The following PAPOLA variants were observed in gnomAD, a reference collection of about 807,000 sequenced individuals.
PAPOLA encodes the protein poly(A) polymerase alpha, also known as polynucleotide adenylyltransferase alpha.
Under a neutral mutation model 100.6 loss-of-function variants are expected in PAPOLA, and 15 were observed. The ratio of observed to expected loss-of-function variants is 0.15; its 90% confidence interval spans 0.10 to 0.23. The LOEUF (loss-of-function observed/expected upper bound fraction) is 0.23. Ranked by LOEUF, PAPOLA falls within the 10% of genes least tolerant of loss-of-function variation. The pLI, the probability that PAPOLA is intolerant of heterozygous loss-of-function variation, is 1.00. For missense variants in PAPOLA, 533 were observed against 884.2 expected (o/e 0.60, Z 5.04); for synonymous variants, 293 against 300.0 (o/e 0.98, Z 0.24).
intron 4 of PAPOLA, 54 bp from the exon 5 acceptor site, chr14:96,527,376 A>G (rs1386469366): frequency 1.9e-6 from 2 of 1,068,858 alleles, no homozygotes; most frequent in African/African-American, 3.1e-5. Flanking sequence ...GATAGGATGC[A>G]AAATAATTTT....
chr14:96,523,089 C>T (rs189594579), intron 3 of PAPOLA, among the ~76,000 whole-genome samples: 90 of 152,084 alleles, frequency 5.9e-4, no homozygotes, highest in African/African-American at 1.3e-3. Context: ...ATGGACTTTA[C>T]GTACCATGTG....
chr14:96,563,222 T>C (rs567423273), intron 21 of PAPOLA, among the ~76,000 whole-genome samples: 2 of 152,310 alleles, frequency 1.3e-5, no homozygotes, highest in East Asian at 3.9e-4. Context: ...AAACTAGGAA[T>C]GAACTAAAAA....
intron 1 of PAPOLA, among the ~76,000 whole-genome samples, chr14:96,508,212 C>G (rs1474866744): frequency 1.3e-5 from 2 of 152,148 alleles, no homozygotes; most frequent in Non-Finnish European, 2.9e-5. Context: ...TTTCTGAACA[C>G]TGCACCTCAG....
chr14:96,514,417 G>A (rs1897307336), intron 1 of PAPOLA, among the ~76,000 whole-genome samples: 2 of 151,708 alleles, frequency 1.3e-5, no homozygotes, highest in Non-Finnish European at 2.9e-5. Flanking sequence ...TCCTGACGTC[G>A]TGATCCGCCC....
At chr14:96,559,862 T>C (rs1446625589) in intron 19 of PAPOLA, among the ~76,000 whole-genome samples, 1 of 151,896 alleles carries the variant, frequency 6.6e-6, no homozygotes. Context: ...TTCTATAAAA[T>C]ATAAGTACCG....
At chr14:96,526,238 A>G (rs1370631606) in intron 4 of PAPOLA, 2 of 152,198 alleles carry the variant, frequency 1.3e-5, no homozygotes, top group African/African-American at 4.8e-5. Context: ...CAGTACTGTT[A>G]TTCTCACATA....
chr14:96,510,351 T>C (rs764319897), intron 1 of PAPOLA, among the ~76,000 whole-genome samples: 4 of 152,224 alleles, frequency 2.6e-5, no homozygotes, highest in Non-Finnish European at 5.9e-5. Flanking sequence ...TTTCATACTT[T>C]ATTAAATTTA....
chr14:96,505,614 A>G (rs900765776), intron 1 of PAPOLA, among the ~76,000 whole-genome samples: 2 of 152,160 alleles, frequency 1.3e-5, no homozygotes, highest in Non-Finnish European at 2.9e-5. Context: ...GAATTGTAGT[A>G]GTTTTACATC....
intron 3 of PAPOLA, 82 bp downstream of exon 3, chr14:96,521,154 T>C (rs1897930488): frequency 2.7e-6 from 2 of 736,312 alleles, no homozygotes; most frequent in Non-Finnish European, 4.9e-6. Flanking sequence ...CCTGTTCTTA[T>C]TTGAGTGGAT....
At chr14:96,532,837 C>T (rs1899154538) in intron 9 of PAPOLA, 188 bp downstream of exon 9, 4 of 1,332,626 alleles carry the variant, frequency 3.0e-6, no homozygotes, top group African/African-American at 1.5e-5. Flanking sequence ...CTAGTTTGGC[C>T]AGGATAGTAA....
intron 7 of PAPOLA, 167 bp from the exon 8 acceptor site, chr14:96,532,164 T>C (rs1899077162): frequency 9.3e-6 from 13 of 1,397,140 alleles, no homozygotes; most frequent in Non-Finnish European, 1.1e-5. Context: ...TTGAATTAGC[T>C]TTACTGGTTC....
At chr14:96,513,558 A>G (rs1322221210) in intron 1 of PAPOLA, among the ~76,000 whole-genome samples, 2 of 152,192 alleles carry the variant, frequency 1.3e-5, no homozygotes, top group Non-Finnish European at 2.9e-5. Context: ...GATAAATATC[A>G]TATTGCCTTT....
At chr14:96,502,760 C>G (rs546218242) in intron 1 of PAPOLA, 160 bp downstream of exon 1, 1,005 of 664,190 alleles carry the variant, frequency 1.5e-3, no homozygotes, top group Non-Finnish European at 2.0e-3. Flanking sequence ...CTCGCTCGCT[C>G]GCCGCCGCAC....
chr14:96,510,007 C>T (rs1381840834), intron 1 of PAPOLA, among the ~76,000 whole-genome samples: 1 of 135,384 alleles, frequency 7.4e-6, no homozygotes, highest in Non-Finnish European at 1.5e-5. Flanking sequence ...TGTATGTAGG[C>T]CTGCTGAACT....
rs1491523531 is a variant in PAPOLA at position 96,502,503 on chromosome 14, CCT to C, written c.-88_-87del. 22 of 1,047,184 alleles carry C rather than the reference CCT, an allele frequency of 2.1e-5. No individual in the cohort carries two copies. The highest frequency in any genetic ancestry group is 2.2e-4 in the Middle Eastern group (1 of 4,592). 64.9% of individuals were successfully genotyped at this position (1,047,184 alleles called of 1,614,324 possible). On this transcript the variant is annotated 5_prime_UTR_variant, in exon 1 of 22. Transcript: ENST00000216277. The stretch of plus-strand genomic sequence containing the variant: ...GACCCAGGGCTGAGGCAGGCCCCCC[CCT>C]CCCTCCCGCCTCAGTGGATCATGCC...
chr14:96,512,352 A>C (rs1897159120), intron 1 of PAPOLA, among the ~76,000 whole-genome samples: 1 of 152,182 alleles, frequency 6.6e-6, no homozygotes, highest in South Asian at 2.1e-4. Context: ...CAGCCTGGGC[A>C]ACAGAGCAAG....
At chr14:96,535,814 G>A (rs1899474711) in intron 10 of PAPOLA, 65 bp from the exon 11 acceptor site, 1 of 1,347,986 alleles carries the variant, frequency 7.4e-7, no homozygotes, top group Non-Finnish European at 9.7e-7. Context: ...TTAACAAGGG[G>A]TAAAAAGCCC....
chr14:96,548,517 C>A (rs1031160263), intron 16 of PAPOLA, among the ~76,000 whole-genome samples: 1 of 151,996 alleles, frequency 6.6e-6, no homozygotes, highest in African/African-American at 2.4e-5. Context: ...TGGACAGATA[C>A]AAATTACGTT....
At position 96,561,919 on chromosome 14, in the gene PAPOLA, G is replaced by A. The variant is rs537174068; in HGVS notation, c.2068-900G>A. ...CCTTTTTTTGGTTTTTTTTGAGATG[G>A]AGTCTTGCTCTGTCGCCCAGGCTGG... is the stretch of plus-strand genomic sequence containing the variant. On this transcript the variant is annotated intron_variant, in intron 20 of 21. Transcript: ENST00000216277. Among the ~76,000 whole-genome samples the A allele has an allele frequency of 1.7e-3, 262 of 150,172 alleles. 1 individual carries two copies. Among genetic ancestry groups the A allele is most frequent in the African/African-American group, 6.1e-3 (250 of 40,880 alleles).
Sources: gnomAD v4.1 joint callset for allele counts (sites outside exome capture counted in the v4.1 genomes callset) on GRCh38, gnomAD v4.1.1 for gene constraint, MANE v1.5 for transcripts, NCBI Gene and HGNC (gene_info 2026-07-23, HGNC 2026-07-21) for gene names.